ZNF618: variants seen among roughly 807,000 people sequenced by gnomAD.
ZNF618 encodes neural precursor cell expressed, developmentally down-regulated 10.
A neutral mutation model predicts 103.0 loss-of-function variants in ZNF618; 34 were observed. The ratio of observed to expected loss-of-function variants is 0.33; its 90% CI spans 0.25 to 0.44. The LOEUF (loss-of-function observed/expected upper bound fraction) is 0.44, where lower values mean the gene tolerates loss of function less well. Ranked by LOEUF, ZNF618 falls within the 20% of genes least tolerant of loss-of-function variation. The probability of loss-of-function intolerance (pLI) is 1.00; values close to 1 mark genes in which losing one functional copy is unlikely to be tolerated. For synonymous variants in ZNF618, 551 were observed against 542.2 expected (o/e 1.02, Z -0.23); for missense variants, 1,059 against 1,295.4 (o/e 0.82, Z 2.80).
chr9:113,903,426 T>C (rs1375845993), intron 1 of ZNF618, among the ~76,000 whole-genome samples: 1 of 152,052 alleles, frequency 6.6e-6, no homozygotes, highest in African/African-American at 2.4e-5. Context: ...TCTCACTTAA[T>C]AGGGTGTTCG....
intron 4 of ZNF618, among the ~76,000 whole-genome samples, chr9:114,000,507 G>A (rs1266001238): frequency 9.9e-6 from 1 of 101,258 alleles, no homozygotes; most frequent in Non-Finnish European, 2.6e-5. Context: ...TAGCTCATTA[G>A]CCATCGTTAG....
chr9:113,998,359 G>A lies in ZNF618; in HGVS notation c.433+5G>A, dbSNP rs1488004424. The A allele has an allele frequency of 1.0e-5, 16 of 1,550,074 alleles. No homozygotes were observed. Among genetic ancestry groups the A allele is most frequent in the Middle Eastern group, 1.7e-4 (1 of 5,756 alleles). ...AAGCATTGAGATATGCATCTGGTAC[G>A]TGATGGCCAAGGGGTAGTGCCTGAT... On this transcript the variant is annotated splice_donor_5th_base_variant and intron_variant, in intron 4 of 14. Coordinates refer to ENST00000374126, the MANE Select transcript of ZNF618 (RefSeq NM_001318042.2).
intron 10 of ZNF618, among the ~76,000 whole-genome samples, chr9:114,017,767 C>A (rs529934247): frequency 6.6e-6 from 1 of 152,276 alleles, no homozygotes; most frequent in African/African-American, 2.4e-5. Context: ...GCTGAAGCCC[C>A]TTATAGTCTG....
At position 114,050,371 on chromosome 9, in the gene ZNF618, C is replaced by T. The variant is rs982077184; in HGVS notation, c.*204C>T. ...ACACGTGTGTGCACGTGTCTGAACA[C>T]GTGCTGTGGTTGTGGGGGTGTGGGG... On this transcript the variant is annotated 3_prime_UTR_variant, in exon 15 of 15. Transcript: ENST00000374126. 35 of 569,174 alleles carry T rather than the reference C, an allele frequency of 6.1e-5. No individual in the cohort carries two copies. Among genetic ancestry groups the T allele is most frequent in the Non-Finnish European group, 8.7e-5 (30 of 346,234 alleles). 35.3% of individuals were successfully genotyped at this position (569,174 alleles called of 1,614,324 possible). A position where few individuals can be genotyped will look rare whatever the true frequency, so the allele number is the denominator to read the frequency against.
At chr9:113,977,650 A>G (rs1188629965) in intron 2 of ZNF618, among the ~76,000 whole-genome samples, 2 of 152,204 alleles carry the variant, frequency 1.3e-5, no homozygotes, top group Non-Finnish European at 2.9e-5. Context: ...CTAATTGGTC[A>G]GAATTGCACC....
intron 6 of ZNF618, 42 bp downstream of exon 6, chr9:114,002,704 G>T: frequency 6.2e-7 from 1 of 1,604,176 alleles, no homozygotes; most frequent in South Asian, 1.1e-5. Context: ...AGGGGCGAGG[G>T]CTTGGGGTGG....
In ZNF618 at chr9:113,998,346, A is replaced by G. The variant is rs746769085; in HGVS notation, c.425A>G (p.Tyr142Cys). 3.0e-5 allele frequency: 47 copies of G among 1,550,350 alleles called. No individual in the cohort carries two copies. In the African/African-American group the frequency reaches 5.7e-4, roughly 19 times the overall value. Residue 142 changes from tyrosine to cysteine, a missense_variant, in exon 4 of 15, where the codon TAT becomes TGT. Physicochemically the swap from Tyr to Cys is radical, Grantham distance 194. Transcript: ENST00000374126. The stretch of plus-strand genomic sequence containing the variant: ...TGGATTTTTGACCAAGCATTGAGAT[A>G]TGCATCTGGTACGTGATGGCCAAGG... ...GTWIFDQALR[Y>C]ASGSYECGIC...
At chr9:113,895,897 T>G (rs1234021070) in intron 1 of ZNF618, among the ~76,000 whole-genome samples, 1 of 152,166 alleles carries the variant, frequency 6.6e-6, no homozygotes, top group Non-Finnish European at 1.5e-5. Flanking sequence ...TTTTGGCTTT[T>G]GCTCTTTTCA....
intron 9 of ZNF618, among the ~76,000 whole-genome samples, chr9:114,013,680 C>G (rs1409104875): frequency 6.6e-6 from 1 of 152,224 alleles, no homozygotes; most frequent in Non-Finnish European, 1.5e-5. Flanking sequence ...ATCCACCTGC[C>G]TCGGCCTCCC....
At chr9:113,925,695 A>T (rs1361300363) in intron 1 of ZNF618, among the ~76,000 whole-genome samples, 1 of 151,870 alleles carries the variant, frequency 6.6e-6, no homozygotes, top group Non-Finnish European at 1.5e-5. Context: ...TTTTCCTTAG[A>T]GTGTGCAGTA....
rs1846340842 is a variant in ZNF618, at chr9:114,054,535, C to T, written c.*4368C>T. On this transcript the variant is annotated 3_prime_UTR_variant, in exon 15 of 15. Transcript: ENST00000374126. ...ACAGAACAAGAGACTAAGTAAGGTC[C>T]GGCTATCCCGTGGAGCCAGTAGTAG... The T allele has an allele frequency of 6.5e-6, 1 of 152,674 alleles. No homozygotes were observed. The highest frequency in any genetic ancestry group is 6.5e-5 in the Admixed American group (1 of 15,290). The allele number at this position is 152,674 out of a possible 1,614,324, so 9.5% of individuals were successfully genotyped here. A position where few individuals can be genotyped will look rare whatever the true frequency, so the allele number is the denominator to read the frequency against.
intron 2 of ZNF618, among the ~76,000 whole-genome samples, chr9:113,983,796 T>C (rs1193350824): frequency 6.6e-6 from 1 of 152,196 alleles, no homozygotes; most frequent in Non-Finnish European, 1.5e-5. Context: ...CTACACGTCC[T>C]GTGCCTTTGG....
chr9:113,903,018 T>C (rs1353931716), intron 1 of ZNF618, among the ~76,000 whole-genome samples: 1 of 152,194 alleles, frequency 6.6e-6, no homozygotes, highest in South Asian at 2.1e-4. Flanking sequence ...TAGGATAGAA[T>C]GAAATAGAGA....
intron 1 of ZNF618, among the ~76,000 whole-genome samples, chr9:113,904,356 T>C (rs926464864): frequency 1.3e-5 from 2 of 152,196 alleles, no homozygotes; most frequent in Non-Finnish European, 1.5e-5. Flanking sequence ...ATATTTATGA[T>C]GGCTGTTTCA....
chr9:114,041,828 A>G (rs1377098736), intron 13 of ZNF618, among the ~76,000 whole-genome samples: 2 of 152,122 alleles, frequency 1.3e-5, no homozygotes, highest in Non-Finnish European at 2.9e-5. Flanking sequence ...TTTTGGTTCT[A>G]TATAAACTTT....
chr9:113,877,597 A>G (rs927982272), intron 1 of ZNF618, among the ~76,000 whole-genome samples: 8 of 152,088 alleles, frequency 5.3e-5, no homozygotes, highest in Middle Eastern at 3.2e-3. Context: ...AACAGAAACT[A>G]GAAAAGTTAC....
chr9:113,975,040 T>C (rs185228956), intron 2 of ZNF618, among the ~76,000 whole-genome samples: 1 of 152,254 alleles, frequency 6.6e-6, no homozygotes, highest in East Asian at 1.9e-4. Context: ...TCAGTAAACA[T>C]TTATTTTTAT....
intron 1 of ZNF618, among the ~76,000 whole-genome samples, chr9:113,923,287 T>G (rs182787517): frequency 1.5e-3 from 232 of 152,338 alleles, no homozygotes; most frequent in Admixed American, 2.7e-3. Context: ...TTTTATTTCC[T>G]TTTCTTGTCT....
At chr9:114,012,980 T>TA (rs1297810133) in intron 9 of ZNF618, among the ~76,000 whole-genome samples, 3 of 140,530 alleles carry the variant, frequency 2.1e-5, no homozygotes, top group Admixed American at 2.1e-4. Flanking sequence ...AGTGACTTTT[T>TA]AAAACTATAG....
Sources: allele counts gnomAD v4.1 joint callset (sites outside exome capture counted in the v4.1 genomes callset), GRCh38; gene constraint gnomAD v4.1.1; transcripts MANE v1.5; gene names NCBI Gene and HGNC (gene_info 2026-07-23, HGNC 2026-07-21).